The following TICRR variants were observed in gnomAD, a reference collection of about 807,000 sequenced individuals.
TICRR encodes treslin.
Under a neutral mutation model 178.1 loss-of-function variants are expected in TICRR, and 132 were observed. The observed-to-expected ratio is 0.74, with a 90% CI of 0.64 to 0.86. The LOEUF (loss-of-function observed/expected upper bound fraction) is 0.86. TICRR is among the 40% of genes least tolerant of loss of function. The probability of loss-of-function intolerance (pLI) is 0.00; values close to 1 mark genes in which losing one functional copy is unlikely to be tolerated. For synonymous variants in TICRR, 991 were observed against 900.7 expected (o/e 1.10, Z -1.79); for missense variants, 2,587 against 2,334.3 (o/e 1.11, Z -2.23).
Position 89,623,863 on chromosome 15 carries a change from G to T in TICRR, c.3553G>T (p.Gly1185Cys). The change falls in exon 20 of 22, where the codon GGT becomes TGT. Residue 1185 changes from glycine (G) to cysteine (C), a missense_variant. Physicochemically the swap from Gly to Cys is radical, Grantham distance 159. Transcript: ENST00000268138. ...AAAACGACATACCCAGGCAGGAGAA[G>T]GTACCTCTCTTGAAACGAAGACACC... is the stretch of plus-strand genomic sequence containing the variant. ...PQKRHTQAGE[G>C]TSLETKTPRT... is the part of the protein sequence containing the mutation. The T allele has an allele frequency of 6.2e-7, 1 of 1,613,940 alleles. No homozygotes were observed. The highest frequency in any genetic ancestry group is 8.5e-7 in the Non-Finnish European group (1 of 1,180,028).
chr15:89,609,273 G>C (rs1296176316), intron 15 of TICRR, among the ~76,000 whole-genome samples: 2 of 151,078 alleles, frequency 1.3e-5, no homozygotes, highest in Non-Finnish European at 2.9e-5. Context: ...ACCACACCCA[G>C]CTAATTTTTA....
At chr15:89,622,619 T>C (rs1287903759) in intron 19 of TICRR, among the ~76,000 whole-genome samples, 2 of 93,292 alleles carry the variant, frequency 2.1e-5, no homozygotes, top group Non-Finnish European at 4.8e-5. Context: ...CTGAAAACCA[T>C]AGATCTACAC....
At position 89,623,758 on chromosome 15, in the gene TICRR, C is replaced by T; in HGVS notation, c.3448C>T (p.Gln1150Ter). Residue 1150 changes from glutamine to a stop codon, truncating the protein, a stop_gained, in exon 20 of 22, where the codon CAG becomes TAG. Coordinates refer to ENST00000268138, the MANE Select transcript of TICRR (RefSeq NM_152259.4). LOFTEE classifies it high-confidence loss of function. ...KSPAKMTPTK[Q>*]AAFKESLKDS... The stretch of plus-strand genomic sequence containing the variant: ...CCCTGCAAAAATGACCCCTACAAAG[C>T]AGGCAGCTTTTAAGGAGTCCTTAAA... 6.2e-7 allele frequency: 1 copy of T among 1,614,080 alleles called. No homozygotes were observed. Among genetic ancestry groups the T allele is most frequent in the Non-Finnish European group, 8.5e-7 (1 of 1,180,000 alleles).
chr15:89,624,349 C>T lies in TICRR; in HGVS notation c.4039C>T (p.Pro1347Ser), dbSNP rs1370432211. 2.5e-6 allele frequency: 4 copies of T among 1,613,980 alleles called. No individual in the cohort carries two copies. The highest frequency in any genetic ancestry group is 1.1e-5 in the South Asian group (1 of 91,082). Residue 1347 changes from proline to serine, a missense_variant, in exon 20 of 22, where the codon CCC (proline) becomes TCC (serine). Physicochemically the swap from Pro to Ser is moderately conservative, Grantham distance 74. Transcript: ENST00000268138. ...GGATCAGAAAGAGCCCCAGATGTCACCCAGCGTAGCTGCATCTCTCTCCTG... is the reference window on the plus strand; with the variant it reads ...GGATCAGAAAGAGCCCCAGATGTCATCCAGCGTAGCTGCATCTCTCTCCTG... The part of the protein sequence containing the change: ...ELDQKEPQMS[P>S]SVAASLSCPV...
intron 15 of TICRR, among the ~76,000 whole-genome samples, chr15:89,613,739 T>G (rs1963289844): frequency 1.4e-5 from 2 of 146,874 alleles, no homozygotes; most frequent in Non-Finnish European, 3.0e-5. Context: ...ATTCGCTTTT[T>G]TTTTTTTTTT....
chr15:89,625,944 C>A lies in TICRR; in HGVS notation c.5485C>A (p.Pro1829Thr), dbSNP rs1352173660. 6.3e-7 allele frequency: 1 copy of A among 1,574,972 alleles called. No individual in the cohort carries two copies. Among genetic ancestry groups the A allele is most frequent in the South Asian group, 1.2e-5 (1 of 82,838 alleles). ...ATGTGGGATCTCTTTAGGCTCCACC[C>A]CACCTCCCAGCTGTGCCGTGCGGAG... ...DEEVFVSGST[P>T]PPSCAVRSCL... The change falls in exon 21 of 22, where the codon CCA (proline) becomes ACA (threonine). Residue 1829 changes from proline to threonine, a missense_variant. Coordinates refer to ENST00000268138, the MANE Select transcript of TICRR (RefSeq NM_152259.4).
At chr15:89,592,243 TC>T in intron 5 of TICRR, 67 bp downstream of exon 5, 1 of 1,436,554 alleles carries the variant, frequency 7.0e-7, no homozygotes, top group South Asian at 1.2e-5. Context: ...TGCATTTTTT[TC>T]TTAACAGACC....
At chr15:89,601,437 C>T (rs752127905) in intron 10 of TICRR, 46 bp downstream of exon 10, 2 of 1,612,678 alleles carry the variant, frequency 1.2e-6, no homozygotes, top group East Asian at 4.5e-5. Context: ...TAGATGCTTT[C>T]AGCTTCCCTG....
intron 15 of TICRR, among the ~76,000 whole-genome samples, chr15:89,612,870 CTTAG>C (rs1963275451): frequency 6.6e-6 from 1 of 152,196 alleles, no homozygotes; most frequent in Non-Finnish European, 1.5e-5. Context: ...ACTATCCCTT[CTTAG>C]TTCTATATTG....
intron 6 of TICRR, among the ~76,000 whole-genome samples, chr15:89,595,083 T>C (rs964251420): frequency 1.3e-5 from 2 of 152,226 alleles, no homozygotes; most frequent in African/African-American, 4.8e-5. Context: ...ATCACCATTT[T>C]TCGTGGCCAT....
intron 18 of TICRR, 144 bp from the exon 19 acceptor site, chr15:89,621,249 G>A (rs1963420782): frequency 5.9e-6 from 4 of 682,418 alleles, no homozygotes; most frequent in Non-Finnish European, 9.3e-6. Context: ...TCGAACTCCT[G>A]ACCTCAGACC....
intron 13 of TICRR, among the ~76,000 whole-genome samples, chr15:89,604,596 G>A (rs1175621648): frequency 6.6e-6 from 1 of 152,068 alleles, no homozygotes; most frequent in East Asian, 1.9e-4. Flanking sequence ...GCAACATAGT[G>A]AGACCTTGGC....
intron 2 of TICRR, among the ~76,000 whole-genome samples, chr15:89,583,455 A>G (rs1288671454): frequency 1.3e-5 from 2 of 152,258 alleles, no homozygotes; most frequent in African/African-American, 4.8e-5. Context: ...CTCATTTCTG[A>G]ATATATTGTA....
In TICRR at chr15:89,585,774, A is replaced by G. The variant is rs376881571; in HGVS notation, c.1243A>G (p.Ser415Gly). Residue 415 changes from serine (S) to glycine (G), a missense_variant, in exon 4 of 22, where the codon AGT (serine) becomes GGT (glycine). Coordinates refer to ENST00000268138, the MANE Select transcript of TICRR (RefSeq NM_152259.4). ...TGGAGTTATTTCCCCACTCTCTGCC[A>G]GTGCTATGATCCTCACTGTGTGCCG... Reference protein sequence around the residue: ...ITGVISPLSASAMILTVCRTK... With the variant: ...ITGVISPLSAGAMILTVCRTK... 5 of 1,614,142 alleles carry G rather than the reference A, an allele frequency of 3.1e-6. No homozygotes were observed. Among genetic ancestry groups the G allele is most frequent in the Non-Finnish European group, 3.4e-6 (4 of 1,180,024 alleles).
Position 89,608,860 on chromosome 15 carries a change from G to A in TICRR, c.2780G>A (p.Arg927Lys), listed in dbSNP as rs1963211763. Residue 927 changes from arginine (R) to lysine (K), a missense_variant, in exon 15 of 22, where the codon AGA becomes AAA. Transcript: ENST00000268138. The part of the protein sequence containing the change: ...FNQELLSPSK[R>K]SLKRGLPRSH... ...CAGGAATTGCTTTCCCCTTCAAAGA[G>A]ATCACTAAAGCGGGGGTTGCCTAGA... The A allele has an allele frequency of 6.2e-7, 1 of 1,610,206 alleles. No individual in the cohort carries two copies. The highest frequency in any genetic ancestry group is 1.1e-5 in the South Asian group (1 of 90,442).
rs774984664 is a variant in TICRR at position 89,585,920 on chromosome 15, G to A, written c.1389G>A (p.Ser463=). Residue 463 remains serine (S), a synonymous_variant, in exon 4 of 22, where the codon TCG becomes TCA. Transcript: ENST00000268138. ...VDSILNQTHD[S]LADTASAASP... ...GTATATTGAATCAGACTCATGATTC[G>A]CTTGCAGATACTGCTTCTGCTGGTA... The A allele has an allele frequency of 5.3e-5, 85 of 1,613,680 alleles. No homozygotes were observed. The highest frequency in any genetic ancestry group is 3.6e-5 in the Non-Finnish European group (42 of 1,179,778).
At chr15:89,576,967 A>G (rs1209589785) in intron 1 of TICRR, among the ~76,000 whole-genome samples, 5 of 151,224 alleles carry the variant, frequency 3.3e-5, no homozygotes, top group African/African-American at 1.2e-4. Flanking sequence ...GCAGTGGCTC[A>G]CTGCAACCTC....
At position 89,608,843 on chromosome 15, in the gene TICRR, G is replaced by A. The variant is rs1320369760; in HGVS notation, c.2763G>A (p.Leu921=). The part of the protein sequence containing the change: ...KVRRNLFNQE[L]LSPSKRSLKR... ...GAAGAAATCTTTTCAACCAGGAATTGCTTTCCCCTTCAAAGAGATCACTAA... is the reference window on the plus strand; with the variant it reads ...GAAGAAATCTTTTCAACCAGGAATTACTTTCCCCTTCAAAGAGATCACTAA... The change falls in exon 15 of 22, where the codon TTG becomes TTA. Residue 921 remains leucine (L), a synonymous_variant. Transcript: ENST00000268138. The A allele has an allele frequency of 6.2e-7, 1 of 1,605,176 alleles. No individual in the cohort carries two copies. Among genetic ancestry groups the A allele is most frequent in the African/African-American group, 1.4e-5 (1 of 73,968 alleles).
At chr15:89,606,598 A>G (rs140123266) in intron 13 of TICRR, among the ~76,000 whole-genome samples, 170 bp from the exon 14 acceptor site, 110 of 152,300 alleles carry the variant, frequency 7.2e-4, no homozygotes, top group African/African-American at 2.5e-3. Context: ...TGTTATTACT[A>G]TAGTGCAGCA....
Sources: allele counts gnomAD v4.1 joint callset (sites outside exome capture counted in the v4.1 genomes callset), GRCh38; gene constraint gnomAD v4.1.1; transcripts MANE v1.5; gene names NCBI Gene and HGNC (gene_info 2026-07-23, HGNC 2026-07-21).